Variants in HS3ST3B1 observed in about 807,000 individuals in gnomAD.
HS3ST3B1 encodes heparan sulfate-glucosamine 3-sulfotransferase 3B1, also known as heparan sulfate glucosamine 3-O-sulfotransferase 3B1.
In HS3ST3B1, 13 loss-of-function variants were observed where a neutral mutation model predicts 21.3. The ratio of observed to expected loss-of-function variants is 0.61; its 90% CI spans 0.40 to 0.97. The LOEUF (loss-of-function observed/expected upper bound fraction) is 0.97, where lower values mean the gene tolerates loss of function less well. Among genes scored for constraint, HS3ST3B1 ranks in the 50% least tolerant of loss-of-function variants. The pLI, the probability that HS3ST3B1 is intolerant of heterozygous loss-of-function variation, is 0.00. For missense variants in HS3ST3B1, 459 were observed against 554.8 expected, an observed-to-expected ratio of 0.83 and a Z score of 1.73; for synonymous variants, 234 against 254.8, an observed-to-expected ratio of 0.92 and a Z score of 0.78.
chr17:14,318,373 C>T (rs577951676), intron 1 of HS3ST3B1, among the ~76,000 whole-genome samples: 2 of 152,180 alleles, frequency 1.3e-5, no homozygotes, highest in Non-Finnish European at 2.9e-5. Flanking sequence ...GTGTCCACGG[C>T]TCTCTGGCTC....
chr17:14,314,230 C>T (rs971027476), intron 1 of HS3ST3B1, among the ~76,000 whole-genome samples: 7 of 122,182 alleles, frequency 5.7e-5, no homozygotes, highest in South Asian at 2.5e-4. Flanking sequence ...CCACCCGCCT[C>T]GGCCTCCCGA....
In HS3ST3B1 at chr17:14,301,955, A is replaced by C; in HGVS notation, c.437A>C (p.Lys146Thr). ...CCGCAGGCCATCATCATCGGCGTGA[A>C]GAAGGGCGGCACGCGGGCGCTGCTG... ...QLPQAIIIGV[K>T]KGGTRALLEF... Residue 146 changes from lysine (K) to threonine (T), a missense_variant, in exon 1 of 2, where the codon AAG becomes ACG. By Grantham distance (78) the Lys-to-Thr change is moderately conservative. Coordinates refer to ENST00000360954, the MANE Select transcript of HS3ST3B1 (RefSeq NM_006041.3). 1 of 1,609,786 alleles carries C rather than the reference A, an allele frequency of 6.2e-7. No individual in the cohort carries two copies. Among genetic ancestry groups the C allele is most frequent in the Non-Finnish European group, 8.5e-7 (1 of 1,178,648 alleles).
rs1426805326 is a variant in HS3ST3B1 at position 14,348,296 on chromosome 17, AGTGG to A, written c.*2653_*2656del. On this transcript the variant is annotated 3_prime_UTR_variant, in exon 2 of 2. Coordinates refer to ENST00000360954, the MANE Select transcript of HS3ST3B1 (RefSeq NM_006041.3). ...AGGGTCATTTAGTCACGAACACTGA[AGTGG>A]GTCAAAATTCTATTCTGGGTCAAAT... The A allele has an allele frequency of 6.6e-6, 1 of 152,246 alleles. No individual in the cohort carries two copies. Among genetic ancestry groups the A allele is most frequent in the African/African-American group, 2.4e-5 (1 of 41,478 alleles). The allele number at this position is 152,246 out of a possible 1,614,324, so 9.4% of individuals were successfully genotyped here. A position where few individuals can be genotyped will look rare whatever the true frequency, so the allele number is the denominator to read the frequency against.
intron 1 of HS3ST3B1, among the ~76,000 whole-genome samples, chr17:14,311,964 C>A (rs1355674471): frequency 6.6e-6 from 1 of 151,966 alleles, no homozygotes; most frequent in East Asian, 1.9e-4. Flanking sequence ...AATCTGAAAA[C>A]CATTTAAGGA....
intron 1 of HS3ST3B1, among the ~76,000 whole-genome samples, chr17:14,318,060 C>T (rs945276953): frequency 2.0e-5 from 3 of 152,052 alleles, no homozygotes; most frequent in Non-Finnish European, 2.9e-5. Context: ...CACTCATTGC[C>T]CCTGCGGAAT....
At chr17:14,330,807 A>G (rs1909987295) in intron 1 of HS3ST3B1, among the ~76,000 whole-genome samples, 1 of 152,088 alleles carries the variant, frequency 6.6e-6, no homozygotes. Flanking sequence ...TTGCTGGAGG[A>G]ATGGCCCTTT....
intron 1 of HS3ST3B1, among the ~76,000 whole-genome samples, chr17:14,336,204 A>G (rs151273814): frequency 1.3e-5 from 2 of 152,246 alleles, no homozygotes; most frequent in Non-Finnish European, 2.9e-5. Context: ...AACTTCCATC[A>G]TCTGTTTTAC....
At position 14,346,382 on chromosome 17, in the gene HS3ST3B1, T is replaced by A. The variant is rs1259035033; in HGVS notation, c.*736T>A. The A allele has an allele frequency of 6.6e-6, 1 of 151,084 alleles. No homozygotes were observed. Among genetic ancestry groups the A allele is most frequent in the Non-Finnish European group, 1.5e-5 (1 of 68,108 alleles). The allele number at this position is 151,084 out of a possible 1,614,324, so 9.4% of individuals were successfully genotyped here. On this transcript the variant is annotated 3_prime_UTR_variant, in exon 2 of 2. Coordinates refer to ENST00000360954, the MANE Select transcript of HS3ST3B1 (RefSeq NM_006041.3). ...TTCTCCTGTCTCAGCCTCCCAAGTATCTGGGATTACAGGCATGCACCACCA... is the reference window on the plus strand; with the variant it reads ...TTCTCCTGTCTCAGCCTCCCAAGTAACTGGGATTACAGGCATGCACCACCA...
chr17:14,322,898 CTTTTTTTTTTTTT>C (rs34065582), intron 1 of HS3ST3B1, among the ~76,000 whole-genome samples: 1 of 94,586 alleles, frequency 1.1e-5, no homozygotes, highest in African/African-American at 3.7e-5. Context: ...GTGTCTATGT[CTTTTTTTTTTTTT>C]TTTTTTTTTG....
rs1406360841 is a variant in HS3ST3B1 at position 14,301,532 on chromosome 17, T to C, written c.14T>C (p.Leu5Pro). 3.2e-6 allele frequency: 5 copies of C among 1,569,938 alleles called. No homozygotes were observed. The highest frequency in any genetic ancestry group is 4.3e-6 in the Non-Finnish European group (5 of 1,166,614). MGQR[L>P]SGGRSCLDVP... ...CGCGGGCAGCGCATGGGGCAGCGCC[T>C]GAGTGGCGGCAGATCTTGCCTCGAT... The change falls in exon 1 of 2, where the codon CTG (leucine) becomes CCG (proline). Residue 5 changes from leucine (L) to proline (P), a missense_variant. Coordinates refer to ENST00000360954, the MANE Select transcript of HS3ST3B1 (RefSeq NM_006041.3).
intron 1 of HS3ST3B1, among the ~76,000 whole-genome samples, chr17:14,335,706 G>A (rs1385613435): frequency 6.6e-6 from 1 of 151,032 alleles, no homozygotes; most frequent in Non-Finnish European, 1.5e-5. Flanking sequence ...AAAAAAAAAA[G>A]GAAAAAAAAT....
intron 1 of HS3ST3B1, among the ~76,000 whole-genome samples, chr17:14,313,184 G>A (rs1909386786): frequency 7.1e-6 from 1 of 140,150 alleles, no homozygotes; most frequent in Non-Finnish European, 1.6e-5. Flanking sequence ...TGGCCAGGCT[G>A]GTCTCGAACT....
chr17:14,335,086 G>A (rs568449400), intron 1 of HS3ST3B1, among the ~76,000 whole-genome samples: 2 of 152,280 alleles, frequency 1.3e-5, no homozygotes, highest in Admixed American at 6.5e-5. Context: ...TTCCTGTCCC[G>A]TGCTCTTGGG....
chr17:14,332,987 C>T (rs1348513963), intron 1 of HS3ST3B1, among the ~76,000 whole-genome samples: 4 of 151,754 alleles, frequency 2.6e-5, no homozygotes, highest in African/African-American at 9.7e-5. Context: ...GCTCCCTGCT[C>T]CCCAGGAAGA....
At position 14,301,864 on chromosome 17, in the gene HS3ST3B1, C is replaced by T. The variant is rs768336600; in HGVS notation, c.346C>T (p.Pro116Ser). The T allele has an allele frequency of 1.2e-6, 2 of 1,601,266 alleles. No homozygotes were observed. Among genetic ancestry groups the T allele is most frequent in the Non-Finnish European group, 8.5e-7 (1 of 1,175,250 alleles). ...EGAASPEEQS[P>S]EVPDSPSPIS... ...CGCTGCGAGCCCGGAGGAGCAGAGT[C>T]CCGAGGTGCCGGACTCCCCAAGCCC... Residue 116 changes from proline (P) to serine (S), a missense_variant, in exon 1 of 2, where the codon CCC becomes TCC. Around this residue, in one of 3 missense-constraint regions of HS3ST3B1, gnomAD observed 317 missense variants for 278.6 expected, o/e 1.14. Coordinates refer to ENST00000360954, the MANE Select transcript of HS3ST3B1 (RefSeq NM_006041.3).
chr17:14,317,488 T>C (rs927791863), intron 1 of HS3ST3B1, among the ~76,000 whole-genome samples: 2 of 152,146 alleles, frequency 1.3e-5, no homozygotes, highest in Non-Finnish European at 2.9e-5. Flanking sequence ...AAGTAAGAAA[T>C]GCTGTAGGAG....
intron 1 of HS3ST3B1, among the ~76,000 whole-genome samples, chr17:14,335,464 G>A (rs1253879820): frequency 6.6e-6 from 1 of 152,216 alleles, no homozygotes; most frequent in African/African-American, 2.4e-5. Context: ...GGAGGCCAAG[G>A]AGGGTGGATC....
chr17:14,344,100 A>AT, intron 1 of HS3ST3B1, among the ~76,000 whole-genome samples: 1 of 151,918 alleles, frequency 6.6e-6, no homozygotes, highest in African/African-American at 2.4e-5. Context: ...GGGTTTTGCC[A>AT]TTTTGTCCAG....
chr17:14,302,806 G>A (rs1226058890), intron 1 of HS3ST3B1, among the ~76,000 whole-genome samples: 1 of 152,204 alleles, frequency 6.6e-6, no homozygotes, highest in African/African-American at 2.4e-5. Flanking sequence ...GGGCCTCCGG[G>A]CACCGCCGCC....
Sources: allele counts gnomAD v4.1 joint callset (sites outside exome capture counted in the v4.1 genomes callset), GRCh38; gene constraint gnomAD v4.1.1; regional missense constraint gnomAD v4.1.1; transcripts MANE v1.5; gene names NCBI Gene and HGNC (gene_info 2026-07-23, HGNC 2026-07-21).